The following GPR26 variants were observed in gnomAD, a reference collection of about 807,000 sequenced individuals.
GPR26 encodes G protein-coupled receptor 26.
In GPR26, 15 loss-of-function variants were observed where a neutral mutation model predicts 23.1. The observed-to-expected ratio is 0.65, with a 90% CI of 0.43 to 1.00. The LOEUF is 1.00. GPR26 is among the 50% of genes least tolerant of loss of function. GPR26 has a pLI of 0.00. For synonymous variants in GPR26, 228 were observed against 222.1 expected (o/e 1.03, Z -0.24); for missense variants, 359 against 470.5 (o/e 0.76, Z 2.19).
chr10:123,686,074 T>A (rs1298275811), intron 2 of GPR26, among the ~76,000 whole-genome samples: 3 of 152,236 alleles, frequency 2.0e-5, no homozygotes. Flanking sequence ...TTGTCTTGAA[T>A]AATTTTATTC....
chr10:123,695,747 A>G lies in GPR26; in HGVS notation c.*7587A>G, dbSNP rs1457669972. On this transcript the variant is annotated 3_prime_UTR_variant, in exon 3 of 3. Coordinates refer to ENST00000284674, the MANE Select transcript of GPR26 (RefSeq NM_153442.4). ...TTACCAAATCTTTGCTTGAATTATT[A>G]ATAGTAACCAAACTCTCTGCTCTAA... Among the ~76,000 whole-genome samples the G allele has an allele frequency of 1.3e-5, 2 of 152,164 alleles. No individual in the cohort carries two copies. Among genetic ancestry groups the G allele is most frequent in the Non-Finnish European group, 2.9e-5 (2 of 68,046 alleles).
At chr10:123,681,193 TC>T (rs1845371203) in intron 2 of GPR26, among the ~76,000 whole-genome samples, 3 of 152,248 alleles carry the variant, frequency 2.0e-5, no homozygotes, top group African/African-American at 7.2e-5. Flanking sequence ...GTTCCAGCCT[TC>T]CCCAATTCCA....
intron 2 of GPR26, among the ~76,000 whole-genome samples, chr10:123,687,002 G>A (rs1310686210): frequency 6.6e-6 from 1 of 152,138 alleles, no homozygotes. Context: ...ACTTGAGAGA[G>A]TAAATGGCCT....
chr10:123,671,180 CTTGTGGAGAGAAGGGAGGTG>C (rs1233224287), intron 1 of GPR26, among the ~76,000 whole-genome samples: 2 of 152,190 alleles, frequency 1.3e-5, no homozygotes, highest in Non-Finnish European at 2.9e-5. Context: ...ACCCTGGCCC[CTTGTGGAGAGAAGGGAGGTG>C]TCTGTGGATG....
intron 2 of GPR26, among the ~76,000 whole-genome samples, chr10:123,680,792 T>C (rs993487360): frequency 2.6e-4 from 35 of 136,690 alleles, no homozygotes; most frequent in African/African-American, 8.6e-4. Flanking sequence ...CTAGTTAACA[T>C]TCTCTTGGGT....
intron 2 of GPR26, among the ~76,000 whole-genome samples, chr10:123,679,106 T>G (rs1240898108): frequency 6.6e-6 from 1 of 152,222 alleles, no homozygotes; most frequent in Non-Finnish European, 1.5e-5. Flanking sequence ...ATCACCAGTC[T>G]CAGAAGAAGC....
chr10:123,672,029 C>T lies in GPR26; in HGVS notation c.669-2789C>T, dbSNP rs146259464. 8.9e-4 allele frequency among the ~76,000 whole-genome samples: 135 copies of T among 152,268 alleles called. 1 individual carries two copies. The highest frequency in any genetic ancestry group is 3.1e-3 in the African/African-American group (127 of 41,540). On this transcript the variant is annotated intron_variant, in intron 1 of 2. Transcript: ENST00000284674. ...AGCAAGAGGGCCGTGATGTTTCCCTCGGAGCCTGGGGATGGCTCTGCCTTG... is the reference window on the plus strand; with the variant it reads ...AGCAAGAGGGCCGTGATGTTTCCCTTGGAGCCTGGGGATGGCTCTGCCTTG...
chr10:123,670,177 G>C (rs1171196381), intron 1 of GPR26, among the ~76,000 whole-genome samples: 1 of 152,206 alleles, frequency 6.6e-6, no homozygotes, highest in Non-Finnish European at 1.5e-5. Context: ...GGTTCCCCCA[G>C]TGTGTCCTCT....
chr10:123,671,108 A>G (rs1176297451), intron 1 of GPR26, among the ~76,000 whole-genome samples: 1 of 151,816 alleles, frequency 6.6e-6, no homozygotes, highest in African/African-American at 2.4e-5. Flanking sequence ...AATCTGAGTC[A>G]CTCCTTAAAT....
At position 123,693,169 on chromosome 10, in the gene GPR26, C is replaced by T. The variant is rs1845508201; in HGVS notation, c.*5009C>T. On this transcript the variant is annotated 3_prime_UTR_variant, in exon 3 of 3. Coordinates refer to ENST00000284674, the MANE Select transcript of GPR26 (RefSeq NM_153442.4). ...GCTTGGGAAGGAATTCTCCAGACTC[C>T]TTTTACTTTGTATGTGTTTCTAGGG... 6.6e-6 allele frequency: 1 copy of T among 152,232 alleles called. No homozygotes were observed. Among genetic ancestry groups the T allele is most frequent in the Non-Finnish European group, 1.5e-5 (1 of 68,072 alleles). The allele number at this position is 152,232 out of a possible 1,614,324, so 9.4% of individuals were successfully genotyped here.
chr10:123,673,265 T>C (rs1845270782), intron 1 of GPR26, among the ~76,000 whole-genome samples: 4 of 152,338 alleles, frequency 2.6e-5, no homozygotes, highest in African/African-American at 9.6e-5. Flanking sequence ...ATAGGAAATC[T>C]AGTTAAAAGG....
chr10:123,672,493 A>G (rs1480030722), intron 1 of GPR26, among the ~76,000 whole-genome samples: 3 of 152,144 alleles, frequency 2.0e-5, no homozygotes, highest in Non-Finnish European at 1.5e-5. Context: ...AGGCCCAGGG[A>G]GGGTCACAGA....
At chr10:123,687,882 C>CGGTG in intron 2 of GPR26, 47 bp from the exon 3 acceptor site, 6 of 1,346,740 alleles carry the variant, frequency 4.5e-6, no homozygotes, top group Non-Finnish European at 6.4e-6. Context: ...CCACTCCCAG[C>CGGTG]GGTGCTTAGC....
chr10:123,689,112 G>A lies in GPR26; in HGVS notation c.*952G>A, dbSNP rs2133933000. On this transcript the variant is annotated 3_prime_UTR_variant, in exon 3 of 3. Coordinates refer to ENST00000284674, the MANE Select transcript of GPR26 (RefSeq NM_153442.4). ...ATGGGCAAGAACTGGCCTGAGCAGG[G>A]ATTTTTGCCTTGATTTTAAGTCACT... 1.3e-5 allele frequency: 2 copies of A among 152,324 alleles called. No individual in the cohort carries two copies. Among genetic ancestry groups the A allele is most frequent in the South Asian group, 4.2e-4 (2 of 4,802 alleles). The allele number at this position is 152,324 out of a possible 1,614,324, so 9.4% of individuals were successfully genotyped here. A position where few individuals can be genotyped will look rare whatever the true frequency, so the allele number is the denominator to read the frequency against.
At chr10:123,678,539 A>G (rs1164445477) in intron 2 of GPR26, among the ~76,000 whole-genome samples, 1 of 152,172 alleles carries the variant, frequency 6.6e-6, no homozygotes. Flanking sequence ...CAGCAGGGAG[A>G]GGAGTGCAAG....
At chr10:123,667,190 C>T (rs572472199) in intron 1 of GPR26, 115 bp downstream of exon 1, 1 of 833,266 alleles carries the variant, frequency 1.2e-6, no homozygotes, top group Non-Finnish European at 1.8e-6. Flanking sequence ...TCTGAGAACT[C>T]GAGGGTGGGG....
At chr10:123,683,661 G>A (rs1845402371) in intron 2 of GPR26, among the ~76,000 whole-genome samples, 1 of 152,172 alleles carries the variant, frequency 6.6e-6, no homozygotes, top group Non-Finnish European at 1.5e-5. Context: ...ATCTCCATCA[G>A]CCCTGGACTG....
Position 123,667,561 on chromosome 10 carries a change from CTGTGTGTGTG to C in GPR26, c.668+517_668+526del, listed in dbSNP as rs71026066. 8.7e-4 allele frequency among the ~76,000 whole-genome samples: 109 copies of C among 125,080 alleles called. 1 individual carries two copies. Among genetic ancestry groups the C allele is most frequent in the South Asian group, 1.7e-3 (5 of 3,006 alleles). 82.1% of individuals were successfully genotyped at this position (125,080 alleles called of 152,430 possible). A position where few individuals can be genotyped will look rare whatever the true frequency, so the allele number is the denominator to read the frequency against. On this transcript the variant is annotated intron_variant, in intron 1 of 2. Coordinates refer to ENST00000284674, the MANE Select transcript of GPR26 (RefSeq NM_153442.4). ...GTGTGGCGCTGCCTCTGTCTCACGA[CTGTGTGTGTG>C]TGTGTGTGTGTGTGTGTGTGTGTGT...
At chr10:123,672,057 C>G in intron 1 of GPR26, among the ~76,000 whole-genome samples, 1 of 152,196 alleles carries the variant, frequency 6.6e-6, no homozygotes, top group Non-Finnish European at 1.5e-5. Context: ...CTGCCTTGCT[C>G]ACCTCTTGCC....
Sources: gnomAD v4.1 joint callset for allele counts (sites outside exome capture counted in the v4.1 genomes callset) on GRCh38, gnomAD v4.1.1 for gene constraint, MANE v1.5 for transcripts, NCBI Gene and HGNC (gene_info 2026-07-23, HGNC 2026-07-21) for gene names.